Variants in CTNNA2 observed in about 807,000 individuals in gnomAD.
CTNNA2 encodes the protein catenin alpha 2.
In CTNNA2, 42 loss-of-function variants were observed where a neutral mutation model predicts 101.0. That is an observed-to-expected ratio of 0.42 (90% CI 0.32 to 0.54). The LOEUF is 0.54. CTNNA2 is among the 20% of genes least tolerant of loss of function. The pLI, the probability that CTNNA2 is intolerant of heterozygous loss-of-function variation, is 0.14. For missense variants in CTNNA2, 871 were observed against 1,223.1 expected (o/e 0.71, Z 4.29); for synonymous variants, 450 against 456.4 (o/e 0.99, Z 0.18).
chr2:80,036,084 C>T (rs538095776), intron 7 of CTNNA2, among the ~76,000 whole-genome samples: 1 of 152,324 alleles, frequency 6.6e-6, no homozygotes, highest in South Asian at 2.1e-4. Flanking sequence ...TGGGGCCCCT[C>T]CTACCCCCAC....
intron 3 of CTNNA2, among the ~76,000 whole-genome samples, chr2:79,820,519 A>C (rs150927331): frequency 6.6e-6 from 1 of 152,312 alleles, no homozygotes; most frequent in African/African-American, 2.4e-5. Flanking sequence ...AGATTGAAGA[A>C]ATGGGGAATC....
rs531352169 is a variant in CTNNA2 at position 79,624,583 on chromosome 2, C to T, written c.-5-26969C>T. ...TGCAATCAAATAGATGTTGCTGGTT[C>T]AAGACTGGCCTGTAGAAGCTCAGTC... On this transcript the variant is annotated intron_variant, in intron 1 of 18. Transcript: ENST00000402739. Among the ~76,000 whole-genome samples, 92 of 152,232 alleles carry T rather than the reference C, an allele frequency of 6.0e-4. 1 individual carries two copies. The highest frequency in any genetic ancestry group is 2.1e-3 in the African/African-American group (88 of 41,550).
chr2:80,181,414 C>A (rs1392852153), intron 7 of CTNNA2, among the ~76,000 whole-genome samples: 1 of 152,180 alleles, frequency 6.6e-6, no homozygotes, highest in East Asian at 1.9e-4. Context: ...TCCCACACAT[C>A]CCCATTCCAA....
At chr2:79,497,797 A>G (rs1000033934) in intron 4 of CTNNA2, among the ~76,000 whole-genome samples, 1 of 152,200 alleles carries the variant, frequency 6.6e-6, no homozygotes, top group South Asian at 2.1e-4. Context: ...TTATGTTCCT[A>G]TCTGCATTTG....
chr2:80,303,854 C>T lies in CTNNA2; in HGVS notation c.1057-89357C>T. 6.8e-7 allele frequency: 1 copy of T among 1,481,378 alleles called. No individual in the cohort carries two copies. The highest frequency in any genetic ancestry group is 1.5e-5 in the South Asian group (1 of 65,036). The allele number at this position is 1,481,378 out of a possible 1,614,324, so 91.8% of individuals were successfully genotyped here. A position where few individuals can be genotyped will look rare whatever the true frequency, so the allele number is the denominator to read the frequency against. ...TCTTTCCAGAGAGACTGGAGAATGT[C>T]CATTGGAAGCGCTCGGTCAGAAATC... On this transcript the variant is annotated intron_variant, in intron 7 of 18. Coordinates refer to ENST00000402739, the MANE Select transcript of CTNNA2 (RefSeq NM_001282597.3). This position sits in a 1 kb window ranked among gnomAD's most constrained non-coding sequence, Gnocchi z 7.7.
chr2:79,208,090 T>TTA (rs1284988186), intron 2 of CTNNA2, among the ~76,000 whole-genome samples: 1 of 152,180 alleles, frequency 6.6e-6, no homozygotes, highest in African/African-American at 2.4e-5. Flanking sequence ...TCCCATAGAC[T>TTA]TACAGATGAT....
chr2:79,702,717 G>A (rs1219279310), intron 2 of CTNNA2, among the ~76,000 whole-genome samples: 1 of 152,144 alleles, frequency 6.6e-6, no homozygotes, highest in East Asian at 1.9e-4. Flanking sequence ...ACTGTTTCTG[G>A]AGTTTTCTAA....
At chr2:80,446,152 T>G (rs924392612) in intron 9 of CTNNA2, among the ~76,000 whole-genome samples, 1 of 152,216 alleles carries the variant, frequency 6.6e-6, no homozygotes, top group Non-Finnish European at 1.5e-5. Context: ...TTCTTGACTC[T>G]GTTAAGAATT....
chr2:80,043,077 TTCTTTCTTTCTTTCTTTCTC>T (rs1388020410), intron 7 of CTNNA2, among the ~76,000 whole-genome samples: 361 of 52,856 alleles, frequency 6.8e-3, no homozygotes, highest in African/African-American at 9.0e-3. Context: ...CTTTCTTTCT[TTCTTTCTTTCTTTCTTTCTC>T]TCTCTCTCTC....
At chr2:79,491,731 C>T (rs1671208634) in intron 4 of CTNNA2, among the ~76,000 whole-genome samples, 1 of 152,202 alleles carries the variant, frequency 6.6e-6, no homozygotes, top group Non-Finnish European at 1.5e-5. Flanking sequence ...TGGGAAGCTG[C>T]TGCTGCCACC....
intron 7 of CTNNA2, among the ~76,000 whole-genome samples, chr2:80,267,386 A>G (rs1051204974): frequency 3.3e-5 from 5 of 152,252 alleles, no homozygotes; most frequent in Admixed American, 3.3e-4. Context: ...AGAGTTGGGA[A>G]TAAGACTGGC....
intron 7 of CTNNA2, among the ~76,000 whole-genome samples, chr2:80,312,978 A>G (rs754915672): frequency 6.6e-6 from 1 of 152,240 alleles, no homozygotes; most frequent in Non-Finnish European, 1.5e-5. Context: ...CTCTCATTGA[A>G]TTGAGTTTAT....
intron 2 of CTNNA2, among the ~76,000 whole-genome samples, chr2:79,731,720 A>G (rs1687206585): frequency 6.6e-6 from 1 of 152,050 alleles, no homozygotes. Flanking sequence ...TTGGGCTGGA[A>G]GTATTGAGGG....
chr2:79,851,860 G>A lies in CTNNA2; in HGVS notation c.299-6153G>A, dbSNP rs1467800407. ...AGACTCAAGCGATACTCCTGTCTCA[G>A]CCTCCTGAGTAGCTGGGATTACAGG... On this transcript the variant is annotated intron_variant, in intron 3 of 18. Coordinates refer to ENST00000402739, the MANE Select transcript of CTNNA2 (RefSeq NM_001282597.3). Among the ~76,000 whole-genome samples, 152 of 145,288 alleles carry A rather than the reference G, an allele frequency of 1.0e-3. 1 individual carries two copies. The highest frequency in any genetic ancestry group is 1.0e-4 in the Non-Finnish European group (7 of 67,116).
In CTNNA2 at chr2:79,243,003, C is replaced by CACACACACACAT. The variant is rs1553385614; in HGVS notation, c.-406+44938_-406+44939insTACACACACACA. ...ATATATATATATATATACACACACACACACACACACACACACACACACACA... is the reference window on the plus strand; with the variant it reads ...ATATATATATATATATACACACACACACACACACACATACACACACACACACACACACACACA... On this transcript the variant is annotated intron_variant, in intron 2 of 21. Transcript: ENST00000466387. 2.1e-3 allele frequency among the ~76,000 whole-genome samples: 282 copies of CACACACACACAT among 134,370 alleles called. 1 individual carries two copies. Among genetic ancestry groups the CACACACACACAT allele is most frequent in the African/African-American group, 6.6e-3 (244 of 36,698 alleles). 88.2% of individuals were successfully genotyped at this position (134,370 alleles called of 152,430 possible). A position where few individuals can be genotyped will look rare whatever the true frequency, so the allele number is the denominator to read the frequency against.
intron 1 of CTNNA2, among the ~76,000 whole-genome samples, chr2:79,565,450 AC>A (rs1311873680): frequency 6.6e-6 from 1 of 151,822 alleles, no homozygotes; most frequent in Non-Finnish European, 1.5e-5. Context: ...TTCTCCAGGG[AC>A]CCCTTTATAC....
intron 9 of CTNNA2, among the ~76,000 whole-genome samples, chr2:80,538,166 T>G (rs13006983): frequency 0.67 from 101,498 of 151,690 alleles, 34,621 homozygotes; most frequent in African/African-American, 0.8. Context: ...CTCTCATTCT[T>G]TAGGTTGCCT....
At chr2:80,367,303 C>A (rs984062792) in intron 7 of CTNNA2, among the ~76,000 whole-genome samples, 4 of 152,088 alleles carry the variant, frequency 2.6e-5, no homozygotes, top group Admixed American at 2.0e-4. Flanking sequence ...CACAGATTCA[C>A]CCAGGTTTGA....
chr2:79,376,165 G>A (rs1677971248), intron 4 of CTNNA2, among the ~76,000 whole-genome samples: 1 of 152,180 alleles, frequency 6.6e-6, no homozygotes, highest in Admixed American at 6.5e-5. Flanking sequence ...AGGATGAAGA[G>A]TAGAGGATGG....
Sources: allele counts gnomAD v4.1 joint callset (sites outside exome capture counted in the v4.1 genomes callset), GRCh38; gene constraint gnomAD v4.1.1; non-coding constraint Gnocchi (gnomAD v3.1); transcripts MANE v1.5; gene names NCBI Gene and HGNC (gene_info 2026-07-23, HGNC 2026-07-21).